The following TBL1XR1 variants were observed in gnomAD, a reference collection of about 807,000 sequenced individuals.
TBL1XR1 encodes F-box-like/WD repeat-containing protein TBL1XR1.
A neutral mutation model predicts 66.9 loss-of-function variants in TBL1XR1; 5 were observed. That is an observed-to-expected ratio of 0.07 (90% CI 0.04 to 0.16). The LOEUF (loss-of-function observed/expected upper bound fraction) is 0.16, where lower values mean the gene tolerates loss of function less well. TBL1XR1 is among the 10% of genes least tolerant of loss of function. TBL1XR1 has a pLI of 1.00. For synonymous variants in TBL1XR1, 210 were observed against 206.0 expected (o/e 1.02, Z -0.17); for missense variants, 238 against 623.2 (o/e 0.38, Z 6.58).
chr3:177,165,621 C>T (rs1333390930), intron 1 of TBL1XR1, among the ~76,000 whole-genome samples: 2 of 152,178 alleles, frequency 1.3e-5, no homozygotes, highest in African/African-American at 4.8e-5. Flanking sequence ...ACAAATAGAT[C>T]AGTGGAACAA....
chr3:177,163,787 T>C (rs1732499357), intron 1 of TBL1XR1, among the ~76,000 whole-genome samples: 1 of 152,174 alleles, frequency 6.6e-6, no homozygotes, highest in African/African-American at 2.4e-5. Context: ...AACGTGAATA[T>C]ATTACCTAGC....
intron 1 of TBL1XR1, among the ~76,000 whole-genome samples, chr3:177,181,521 C>A (rs1273343190): frequency 6.6e-6 from 1 of 150,430 alleles, no homozygotes; most frequent in Non-Finnish European, 1.5e-5. Flanking sequence ...CTACACTCAA[C>A]AGTAGAAAAC....
intron 1 of TBL1XR1, among the ~76,000 whole-genome samples, chr3:177,102,091 C>T (rs184180203): frequency 5.8e-4 from 88 of 152,304 alleles, no homozygotes; most frequent in African/African-American, 2.1e-3. Context: ...CTTCCAGTTT[C>T]TTTTTCTAAC....
At chr3:177,076,007 C>A (rs768797735) in intron 2 of TBL1XR1, among the ~76,000 whole-genome samples, 3 of 152,116 alleles carry the variant, frequency 2.0e-5, no homozygotes, top group African/African-American at 7.2e-5. Flanking sequence ...ATACCTTAGA[C>A]GGAAGTTTTT....
intron 2 of TBL1XR1, among the ~76,000 whole-genome samples, chr3:177,069,895 A>C (rs1283929880): frequency 6.6e-6 from 1 of 151,988 alleles, no homozygotes; most frequent in African/African-American, 2.4e-5. Context: ...GTTAACTGAG[A>C]CTTCTAGTAT....
At chr3:177,149,940 T>C (rs1730687392) in intron 1 of TBL1XR1, among the ~76,000 whole-genome samples, 1 of 152,228 alleles carries the variant, frequency 6.6e-6, no homozygotes. Context: ...CTAATATAAC[T>C]AAGGAAACGT....
chr3:177,110,263 TC>T (rs1725390683), intron 1 of TBL1XR1, among the ~76,000 whole-genome samples: 1 of 152,182 alleles, frequency 6.6e-6, no homozygotes, highest in South Asian at 2.1e-4. Context: ...TCAAAGAACT[TC>T]AAAGTTTTTC....
chr3:177,089,284 A>C (rs1722536085), intron 2 of TBL1XR1, among the ~76,000 whole-genome samples: 1 of 152,102 alleles, frequency 6.6e-6, no homozygotes, highest in African/African-American at 2.4e-5. Context: ...CAACTTTCCC[A>C]AGCAGCTGGG....
intron 1 of TBL1XR1, among the ~76,000 whole-genome samples, chr3:177,169,723 T>C (rs1033745833): frequency 1.3e-5 from 2 of 152,194 alleles, no homozygotes; most frequent in African/African-American, 4.8e-5. Context: ...CTTTCTTCAC[T>C]GGTCAAAACA....
At chr3:177,111,141 C>G (rs1725506907) in intron 1 of TBL1XR1, among the ~76,000 whole-genome samples, 1 of 152,156 alleles carries the variant, frequency 6.6e-6, no homozygotes, top group Non-Finnish European at 1.5e-5. Context: ...CTTTGCACCT[C>G]TCCCTACTAT....
At chr3:177,195,443 T>TAAAAAAAAAAAAAAAAAAAAAAAAAA (rs1736707563) in intron 1 of TBL1XR1, 1 of 61,500 alleles carries the variant, frequency 1.6e-5, no homozygotes, top group Non-Finnish European at 5.0e-5. Context: ...TATAAACTAT[T>TAAAAAAAAAAAAAAAAAAAAAAAAAA]AAAATGGTGA....
chr3:177,153,372 C>G (rs1306787355), intron 1 of TBL1XR1, among the ~76,000 whole-genome samples: 1 of 152,014 alleles, frequency 6.6e-6, no homozygotes, highest in Non-Finnish European at 1.5e-5. Flanking sequence ...TGTGGAGTGC[C>G]CAAACTAGTA....
chr3:177,066,300 C>T (rs1719156532), intron 2 of TBL1XR1, among the ~76,000 whole-genome samples: 1 of 152,078 alleles, frequency 6.6e-6, no homozygotes, highest in Admixed American at 6.5e-5. Flanking sequence ...GAGGCAATGA[C>T]AATTTTCTAG....
At chr3:177,057,681 A>C (rs1348667923) in intron 3 of TBL1XR1, among the ~76,000 whole-genome samples, 1 of 152,172 alleles carries the variant, frequency 6.6e-6, no homozygotes, top group African/African-American at 2.4e-5. Flanking sequence ...AATAGGAGGC[A>C]AAAGAGACCA....
chr3:177,187,641 A>G (rs1560279732), intron 1 of TBL1XR1, among the ~76,000 whole-genome samples: 1 of 152,134 alleles, frequency 6.6e-6, no homozygotes, highest in African/African-American at 2.4e-5. Context: ...GATGCAAACT[A>G]AGAACAAAAA....
At chr3:177,089,044 G>C (rs1008036419) in intron 2 of TBL1XR1, among the ~76,000 whole-genome samples, 1 of 152,030 alleles carries the variant, frequency 6.6e-6, no homozygotes, top group Admixed American at 6.6e-5. Flanking sequence ...CTGTTGGCAG[G>C]GTCACAACTC....
intron 1 of TBL1XR1, among the ~76,000 whole-genome samples, chr3:177,182,068 G>C (rs948608069): frequency 2.0e-5 from 3 of 152,130 alleles, no homozygotes; most frequent in African/African-American, 7.2e-5. Context: ...AGGGTGCCAG[G>C]TTATCAAGCA....
At chr3:177,041,436 C>T (rs552884231) in intron 10 of TBL1XR1, among the ~76,000 whole-genome samples, 1 of 152,296 alleles carries the variant, frequency 6.6e-6, no homozygotes, top group East Asian at 1.9e-4. Context: ...TTGGCTTCTT[C>T]CCTCCCCCCC....
intron 10 of TBL1XR1, among the ~76,000 whole-genome samples, chr3:177,039,884 T>A (rs1391896918): frequency 6.6e-6 from 1 of 152,198 alleles, no homozygotes; most frequent in Non-Finnish European, 1.5e-5. Flanking sequence ...AAGTTGCATA[T>A]TACCTATGGC....
Sources: gnomAD v4.1 joint callset for allele counts (sites outside exome capture counted in the v4.1 genomes callset) on GRCh38, gnomAD v4.1.1 for gene constraint, MANE v1.5 for transcripts, NCBI Gene and HGNC (gene_info 2026-07-23, HGNC 2026-07-21) for gene names.